Variants in KIF16B observed in about 807,000 individuals in gnomAD.
The protein encoded by KIF16B is kinesin-like protein KIF16B.
KIF16B carries 98 observed loss-of-function variants against 156.3 expected under a neutral mutation model. The observed-to-expected ratio is 0.63, with a 90% CI of 0.53 to 0.74. The LOEUF is 0.74. KIF16B is among the 30% of genes least tolerant of loss of function. KIF16B has a pLI of 0.00. For missense variants in KIF16B, 1,421 were observed against 1,606.5 expected, an observed-to-expected ratio of 0.88 and a Z score of 1.97; for synonymous variants, 564 against 583.7, an observed-to-expected ratio of 0.97 and a Z score of 0.49.
chr20:16,330,296 A>G (rs1315018035), intron 24 of KIF16B, among the ~76,000 whole-genome samples: 1 of 152,198 alleles, frequency 6.6e-6, no homozygotes, highest in Non-Finnish European at 1.5e-5. Flanking sequence ...CTCCTTAAGG[A>G]GACATTAAGG....
intron 12 of KIF16B, among the ~76,000 whole-genome samples, chr20:16,469,829 T>G (rs1208011292): frequency 6.6e-6 from 1 of 152,136 alleles, no homozygotes; most frequent in Non-Finnish European, 1.5e-5. Flanking sequence ...TTGGTATTTA[T>G]GCAAATGAGC....
intron 1 of KIF16B, among the ~76,000 whole-genome samples, chr20:16,544,583 G>C (rs2070329202): frequency 7.6e-6 from 1 of 131,982 alleles, no homozygotes; most frequent in African/African-American, 2.9e-5. Flanking sequence ...CTCCAGCCTG[G>C]GTGACAAGAG....
intron 12 of KIF16B, among the ~76,000 whole-genome samples, chr20:16,445,125 A>G (rs563437636): frequency 6.6e-5 from 10 of 152,260 alleles, no homozygotes; most frequent in African/African-American, 2.4e-4. Context: ...TCATCAGCCT[A>G]AGAGTTCCAG....
intron 23 of KIF16B, 82 bp downstream of exon 23, chr20:16,356,248 C>T: frequency 6.5e-7 from 1 of 1,538,844 alleles, no homozygotes; most frequent in Non-Finnish European, 8.9e-7. Context: ...CAGCTTCATC[C>T]CCCTTTTGAA....
intron 12 of KIF16B, among the ~76,000 whole-genome samples, chr20:16,435,414 G>T (rs1568979125): frequency 1.3e-5 from 2 of 152,178 alleles, no homozygotes; most frequent in African/African-American, 4.8e-5. Flanking sequence ...GTCCACAGCA[G>T]ATAATTTGGT....
At chr20:16,354,426 GA>G (rs2064396646) in intron 23 of KIF16B, among the ~76,000 whole-genome samples, 1 of 151,336 alleles carries the variant, frequency 6.6e-6, no homozygotes, top group Non-Finnish European at 1.5e-5. Context: ...CACAACTTCC[GA>G]AATTGTTTTT....
rs1441017257 is a variant in KIF16B, at chr20:16,505,845, A to G, written c.877T>C (p.Ser293Pro). The G allele has an allele frequency of 3.1e-6, 5 of 1,613,810 alleles. No homozygotes were observed. The highest frequency in any genetic ancestry group is 1.3e-5 in the African/African-American group (1 of 74,920). ...GCAAGAGTATTTGCAGCATCCTGAG[A>G]TAAATCAGCTATGAAAAGGAAGAAA... ...GNVISALADL[S>P]QDAANTLAKK... The change falls in exon 9 of 26, where the codon TCT (serine) becomes CCT (proline). Residue 293 changes from serine to proline, a missense_variant. By Grantham distance (74) the Ser-to-Pro change is moderately conservative (BLOSUM62 -1). Transcript: ENST00000354981.
intron 2 of KIF16B, 113 bp downstream of exon 2, chr20:16,528,258 C>G: frequency 2.6e-6 from 2 of 782,766 alleles, no homozygotes; most frequent in Non-Finnish European, 4.3e-6. Context: ...GCTAACTGCA[C>G]TGGAAAGGAG....
At chr20:16,560,535 A>G (rs2071018830) in intron 1 of KIF16B, among the ~76,000 whole-genome samples, 1 of 152,230 alleles carries the variant, frequency 6.6e-6, no homozygotes, top group African/African-American at 2.4e-5. Flanking sequence ...TGATCTGAGC[A>G]ATGGCTCAAG....
At chr20:16,459,651 T>C (rs2067295291) in intron 12 of KIF16B, among the ~76,000 whole-genome samples, 1 of 152,214 alleles carries the variant, frequency 6.6e-6, no homozygotes, top group Admixed American at 6.5e-5. Flanking sequence ...GTTTAAATTA[T>C]TCTACTTTAA....
chr20:16,309,909 A>G (rs944073898), intron 25 of KIF16B, among the ~76,000 whole-genome samples: 1 of 152,226 alleles, frequency 6.6e-6, no homozygotes, highest in Non-Finnish European at 1.5e-5. Flanking sequence ...TTTGTATTCT[A>G]TGTAACACCT....
intron 12 of KIF16B, among the ~76,000 whole-genome samples, chr20:16,431,377 T>C (rs62198128): frequency 0.085 from 12,912 of 152,192 alleles, 675 homozygotes; most frequent in South Asian, 0.16. Context: ...CATCCCATGC[T>C]CACTCACTCT....
chr20:16,515,717 T>A (rs6044046), intron 3 of KIF16B, 53 bp from the exon 4 acceptor site: 285,288 of 979,188 alleles, frequency 0.29, 44,090 homozygotes, highest in East Asian at 0.34. Context: ...ATTTTAATAA[T>A]AGCCCCTTCA....
chr20:16,569,085 G>A (rs1461708828), intron 1 of KIF16B, among the ~76,000 whole-genome samples: 2 of 152,086 alleles, frequency 1.3e-5, no homozygotes, highest in African/African-American at 2.4e-5. Context: ...CCTGCCACGT[G>A]AGTACACAGC....
chr20:16,485,148 T>C (rs890546207), intron 12 of KIF16B, among the ~76,000 whole-genome samples: 3 of 152,100 alleles, frequency 2.0e-5, no homozygotes, highest in African/African-American at 7.2e-5. Flanking sequence ...CCTAAACTGA[T>C]GGGGATGAGG....
intron 3 of KIF16B, among the ~76,000 whole-genome samples, chr20:16,517,854 A>G (rs1423070411): frequency 6.6e-6 from 1 of 152,232 alleles, no homozygotes; most frequent in Admixed American, 6.5e-5. Flanking sequence ...TCTTCTAAAA[A>G]CTTTTCAAAG....
chr20:16,282,032 CTTTT>C (rs11478755), intron 25 of KIF16B, among the ~76,000 whole-genome samples: 6 of 120,878 alleles, frequency 5.0e-5, no homozygotes, highest in Admixed American at 8.5e-5. Context: ...TTTTCTGTTT[CTTTT>C]TTTTTTTTTT....
chr20:16,551,645 C>T (rs1054728340), intron 1 of KIF16B, among the ~76,000 whole-genome samples: 13 of 152,196 alleles, frequency 8.5e-5, no homozygotes, highest in Admixed American at 3.9e-4. Context: ...TCCTTGAAAT[C>T]GAATACACTA....
intron 22 of KIF16B, among the ~76,000 whole-genome samples, chr20:16,364,329 AATGT>A (rs2064612663): frequency 2.0e-5 from 3 of 152,226 alleles, no homozygotes; most frequent in Admixed American, 2.0e-4. Flanking sequence ...TATTGTCTAG[AATGT>A]ATTAAGAAGT....
Sources: gnomAD v4.1 joint callset for allele counts (sites outside exome capture counted in the v4.1 genomes callset) on GRCh38, gnomAD v4.1.1 for gene constraint, MANE v1.5 for transcripts, NCBI Gene and HGNC (gene_info 2026-07-23, HGNC 2026-07-21) for gene names.